SPHKAP: variants seen among roughly 807,000 people sequenced by gnomAD.
SPHKAP encodes the protein SPHK1 interactor, AKAP domain containing, also known as A-kinase anchor protein SPHKAP.
A neutral mutation model predicts 137.5 loss-of-function variants in SPHKAP; 67 were observed. The ratio of observed to expected loss-of-function variants is 0.49; its 90% confidence interval spans 0.40 to 0.60. SPHKAP has a LOEUF of 0.60. Ranked by LOEUF, SPHKAP falls within the 20% of genes least tolerant of loss-of-function variation. The pLI, the probability that SPHKAP is intolerant of heterozygous loss-of-function variation, is 0.00. For synonymous variants in SPHKAP, 813 were observed against 785.3 expected, an observed-to-expected ratio of 1.04 and a Z score of -0.59; for missense variants, 2,097 against 2,069.3, an observed-to-expected ratio of 1.01 and a Z score of -0.26.
chr2:228,030,141 C>T (rs1029176516), intron 3 of SPHKAP, among the ~76,000 whole-genome samples: 5 of 152,200 alleles, frequency 3.3e-5, no homozygotes, highest in African/African-American at 1.2e-4. Context: ...TCATGCACAT[C>T]TTGCAATATC....
chr2:228,062,702 A>G (rs1196070218), intron 3 of SPHKAP, among the ~76,000 whole-genome samples: 2 of 152,236 alleles, frequency 1.3e-5, no homozygotes, highest in African/African-American at 4.8e-5. Flanking sequence ...CATATTGAAT[A>G]TGCAAACTAT....
rs758136614 is a variant in SPHKAP at position 228,019,705 on chromosome 2, A to G, written c.1149T>C (p.Asp383=). The G allele has an allele frequency of 3.1e-6, 5 of 1,614,052 alleles. No homozygotes were observed. The East Asian group carries it at 6.7e-5, about 22-fold the overall frequency. ...DTRNALPPRQ[D]GEVTTGKYAT... is the part of the protein sequence containing the mutation. ...CATACTTGCCAGTGGTGACTTCTCCATCTTGTCTAGGAGGGAGAGCGTTTC... is the reference window on the plus strand; with the variant it reads ...CATACTTGCCAGTGGTGACTTCTCCGTCTTGTCTAGGAGGGAGAGCGTTTC... The change falls in exon 7 of 12, where the codon GAT becomes GAC. Residue 383 remains aspartate (D), a synonymous_variant. Transcript: ENST00000392056.
In SPHKAP at chr2:228,083,751, C is replaced by T. The variant is rs115115419; in HGVS notation, c.246+25081G>A. ...ATATACACCATGGAATATTATGCAG[C>T]CATGAAATAAATGAGATCATGTCCT... On this transcript the variant is annotated intron_variant, in intron 3 of 11. Transcript: ENST00000392056. 3.3e-3 allele frequency among the ~76,000 whole-genome samples: 502 copies of T among 152,164 alleles called. 2 individuals carry two copies. Among genetic ancestry groups the T allele is most frequent in the Middle Eastern group, 0.014 (4 of 294 alleles).
chr2:227,985,291 T>A (rs2106152172), intron 11 of SPHKAP, among the ~76,000 whole-genome samples: 2 of 152,214 alleles, frequency 1.3e-5, no homozygotes, highest in South Asian at 4.2e-4. Context: ...GACGACTTAA[T>A]CTTGGATATT....
intron 3 of SPHKAP, among the ~76,000 whole-genome samples, chr2:228,077,165 G>C (rs1006608591): frequency 7.2e-5 from 11 of 152,130 alleles, no homozygotes; most frequent in Admixed American, 6.5e-4. Flanking sequence ...TATGTTTGCT[G>C]TAGGGGCGAG....
intron 3 of SPHKAP, among the ~76,000 whole-genome samples, chr2:228,075,884 C>G (rs1401671000): frequency 6.6e-6 from 1 of 152,166 alleles, no homozygotes; most frequent in Non-Finnish European, 1.5e-5. Context: ...AAATCATACA[C>G]TTAAGTAATG....
chr2:228,041,646 CAA>C (rs58570907), intron 3 of SPHKAP, among the ~76,000 whole-genome samples: 25,019 of 95,972 alleles, frequency 0.26, 2,034 homozygotes, highest in South Asian at 0.43. Flanking sequence ...GACTCTGTCT[CAA>C]AAAAAAAAAA....
At position 228,112,790 on chromosome 2, in the gene SPHKAP, T is replaced by C. The variant is rs4442990; in HGVS notation, c.139-3851A>G. On this transcript the variant is annotated intron_variant, in intron 2 of 11. Transcript: ENST00000392056. ...AGTCCTCAGCAGATATTTTAAAGAT[T>C]TTTTTTGAACCTATTTTAAAAATAA... is the stretch of plus-strand genomic sequence containing the variant. Among the ~76,000 whole-genome samples the C allele has an allele frequency of 6.8e-3, 1,036 of 152,236 alleles. 8 individuals carry two copies. The highest frequency in any genetic ancestry group is 0.01 in the Non-Finnish European group (688 of 68,000).
At chr2:228,033,813 G>T (rs1695457527) in intron 3 of SPHKAP, among the ~76,000 whole-genome samples, 1 of 152,150 alleles carries the variant, frequency 6.6e-6, no homozygotes, top group Non-Finnish European at 1.5e-5. Context: ...CAGAAATAAA[G>T]ATGTTCTTTG....
intron 1 of SPHKAP, among the ~76,000 whole-genome samples, chr2:228,162,160 C>T (rs1029422502): frequency 1.3e-5 from 2 of 152,134 alleles, no homozygotes; most frequent in African/African-American, 4.8e-5. Flanking sequence ...AGGAGTTGGG[C>T]CCCTTCAGAG....
At chr2:228,113,413 A>G (rs369523613) in intron 2 of SPHKAP, among the ~76,000 whole-genome samples, 1 of 152,122 alleles carries the variant, frequency 6.6e-6, no homozygotes, top group East Asian at 1.9e-4. Flanking sequence ...CCCGATAGGC[A>G]TTAGCTATCA....
At chr2:228,109,875 T>C (rs1355217134) in intron 2 of SPHKAP, among the ~76,000 whole-genome samples, 2 of 142,630 alleles carry the variant, frequency 1.4e-5, no homozygotes, top group Non-Finnish European at 3.0e-5. Flanking sequence ...GGAGAATCAC[T>C]TGAACCCGGG....
At chr2:228,009,133 C>A (rs965954910) in intron 7 of SPHKAP, among the ~76,000 whole-genome samples, 3 of 152,128 alleles carry the variant, frequency 2.0e-5, no homozygotes, top group Admixed American at 6.5e-5. Context: ...GGAATTTTTG[C>A]TGGATAAAGT....
At chr2:228,109,521 A>G in intron 2 of SPHKAP, 1 of 225,718 alleles carries the variant, frequency 4.4e-6, no homozygotes, top group Non-Finnish European at 7.4e-6. Context: ...TGGCAAAAAT[A>G]ATTGGAATAC....
chr2:228,076,836 C>T (rs1445798271), intron 3 of SPHKAP, among the ~76,000 whole-genome samples: 1 of 152,178 alleles, frequency 6.6e-6, no homozygotes, highest in African/African-American at 2.4e-5. Context: ...ATGTTAATCA[C>T]CAAGACAACA....
rs143622339 is a variant in SPHKAP, at chr2:228,076,925, C to T, written c.246+31907G>A. ...CAGACCCTGAGGTCTAGAAGGAAAACGTGGTTTTGTGGGACTGGCCCAGGG... is the reference window on the plus strand; with the variant it reads ...CAGACCCTGAGGTCTAGAAGGAAAATGTGGTTTTGTGGGACTGGCCCAGGG... On this transcript the variant is annotated intron_variant, in intron 3 of 11. Coordinates refer to ENST00000392056, the MANE Select transcript of SPHKAP (RefSeq NM_001142644.2). Among the ~76,000 whole-genome samples the T allele has an allele frequency of 1.1e-4, 16 of 152,164 alleles. No individual in the cohort carries two copies. In the East Asian group the frequency reaches 2.3e-3, roughly 22 times the overall value.
intron 2 of SPHKAP, 116 bp downstream of exon 2, chr2:228,131,864 C>A: frequency 1.4e-6 from 2 of 1,421,112 alleles, no homozygotes; most frequent in South Asian, 1.4e-5. Flanking sequence ...AACCGTGAGC[C>A]ATTTTGTTGT....
At chr2:228,145,113 C>G (rs1042179282) in intron 1 of SPHKAP, among the ~76,000 whole-genome samples, 1 of 152,192 alleles carries the variant, frequency 6.6e-6, no homozygotes, top group Non-Finnish European at 1.5e-5. Context: ...TTCACTGATT[C>G]TGGATAATGA....
chr2:228,151,678 A>C lies in SPHKAP; in HGVS notation c.33-19593T>G, dbSNP rs1251912046. ...TGGTTTTGATTTGATAGTTTAAAAA[A>C]ATTTTTTTGTAGTGATGGGATCTCA... On this transcript the variant is annotated intron_variant, in intron 1 of 11. Coordinates refer to ENST00000392056, the MANE Select transcript of SPHKAP (RefSeq NM_001142644.2). 2.0e-5 allele frequency among the ~76,000 whole-genome samples: 3 copies of C among 152,212 alleles called. No homozygotes were observed. The East Asian group carries it at 5.8e-4, about 29-fold the overall frequency.
Sources: gnomAD v4.1 joint callset for allele counts (sites outside exome capture counted in the v4.1 genomes callset) on GRCh38, gnomAD v4.1.1 for gene constraint, MANE v1.5 for transcripts, NCBI Gene and HGNC (gene_info 2026-07-23, HGNC 2026-07-21) for gene names.